RFX2: variants seen among roughly 807,000 people sequenced by gnomAD.
RFX2 encodes the protein regulatory factor X2.
Under a neutral mutation model 87.8 loss-of-function variants are expected in RFX2, and 20 were observed. The ratio of observed to expected loss-of-function variants is 0.23; its 90% CI spans 0.16 to 0.33. The LOEUF (loss-of-function observed/expected upper bound fraction) is 0.33. RFX2 is among the 10% of genes least tolerant of loss of function. RFX2 has a pLI of 1.00. For missense variants in RFX2, 767 were observed against 1,012.3 expected, an observed-to-expected ratio of 0.76 and a Z score of 3.29; for synonymous variants, 397 against 431.3, an observed-to-expected ratio of 0.92 and a Z score of 0.98.
chr19:6,099,752 T>C (rs2088089265), intron 1 of RFX2, among the ~76,000 whole-genome samples: 1 of 152,158 alleles, frequency 6.6e-6, no homozygotes, highest in East Asian at 1.9e-4. Context: ...GGCCTTGCAG[T>C]GCTAAATCTA....
At chr19:6,082,978 C>G in intron 1 of RFX2, among the ~76,000 whole-genome samples, 1 of 152,194 alleles carries the variant, frequency 6.6e-6, no homozygotes. Context: ...GGGTCTCATT[C>G]TGTTGCCCAG....
In RFX2 at chr19:6,047,582, G is replaced by C. The variant is rs2087212125; in HGVS notation, c.-8-78C>G. ...CCGAAGAGGCAACTAACAAGTTCAA[G>C]GGAGGGAAGGAGTAACCAGCTACAT... On this transcript the variant is annotated intron_variant, in intron 1 of 17. Transcript: ENST00000303657. The surrounding 1 kb of genome is among the most constrained non-coding windows in gnomAD (Gnocchi z 4.2). 8.6e-7 allele frequency: 1 copy of C among 1,158,280 alleles called. No homozygotes were observed. The highest frequency in any genetic ancestry group is 1.3e-6 in the Non-Finnish European group (1 of 795,368). The allele number at this position is 1,158,280 out of a possible 1,614,324, so 71.8% of individuals were successfully genotyped here.
rs571811826 is a variant in RFX2, at chr19:6,009,098, A to G, written c.1016-874T>C. Among the ~76,000 whole-genome samples the G allele has an allele frequency of 1.3e-4, 20 of 152,276 alleles. No individual in the cohort carries two copies. In the East Asian group the frequency reaches 3.3e-3, roughly 25 times the overall value. ...AAGCCCTGAGCCCAGGCCCTGGCAC[A>G]CAGCAAGTACCCACAGAGCCAGCTC... On this transcript the variant is annotated intron_variant, in intron 9 of 17. Coordinates refer to ENST00000303657, the MANE Select transcript of RFX2 (RefSeq NM_000635.4).
Position 6,012,991 on chromosome 19 carries a change from C to T in RFX2, c.894G>A (p.Lys298=). 1 of 1,553,766 alleles carries T rather than the reference C, an allele frequency of 6.4e-7. No homozygotes were observed. The highest frequency in any genetic ancestry group is 8.7e-7 in the Non-Finnish European group (1 of 1,149,736). ...CAGCTCGGCCCGGCACCCACCTGGG[C>T]TTCTGGTGCATGGGCTGCTGCCGCA... ...MAMRQQPMHQ[K]PRYRPAQKTD... The change falls in exon 8 of 18, where the codon AAG becomes AAA. Residue 298 remains lysine (K), a synonymous_variant. Coordinates refer to ENST00000303657, the MANE Select transcript of RFX2 (RefSeq NM_000635.4). The surrounding 1 kb of genome is among the most constrained non-coding windows in gnomAD (Gnocchi z 4.6).
intron 13 of RFX2, among the ~76,000 whole-genome samples, chr19:6,003,833 A>G (rs1298305371): frequency 2.0e-5 from 3 of 150,342 alleles, no homozygotes; most frequent in Non-Finnish European, 4.4e-5. Context: ...AACGGTGGGT[A>G]ATCACTCTCT....
chr19:6,110,249 G>C lies in RFX2; in HGVS notation c.-9+144C>G, dbSNP rs1361341409. The C allele has an allele frequency of 6.6e-6, 1 of 151,438 alleles. No homozygotes were observed. 9.4% of individuals were successfully genotyped at this position (151,438 alleles called of 1,614,324 possible). ...CCGCCGCGCGCGCGGACGGGGTGGC[G>C]GAGGCGGGTCCCGCGGGCGCACCAC... On this transcript the variant is annotated intron_variant, in intron 1 of 17. Coordinates refer to ENST00000303657, the MANE Select transcript of RFX2 (RefSeq NM_000635.4). This position sits in a 1 kb window ranked among gnomAD's most constrained non-coding sequence, Gnocchi z 4.3.
rs1444966164 is a variant in RFX2 at position 6,050,981 on chromosome 19, A to G, written c.-8-3477T>C. On this transcript the variant is annotated intron_variant, in intron 1 of 17. Transcript: ENST00000303657. The surrounding 1 kb of genome is among the most constrained non-coding windows in gnomAD (Gnocchi z 4.6). ...CAATAACAATGGCAACCAGAAGACA[A>G]TGGAGTGACATTTTTAATATGCTGG... Among the ~76,000 whole-genome samples, 7 of 152,218 alleles carry G rather than the reference A, an allele frequency of 4.6e-5. No homozygotes were observed. Among genetic ancestry groups the G allele is most frequent in the Admixed American group, 4.6e-4 (7 of 15,288 alleles).
At chr19:6,091,487 A>C (rs1190262628) in intron 1 of RFX2, among the ~76,000 whole-genome samples, 1 of 151,926 alleles carries the variant, frequency 6.6e-6, no homozygotes, top group East Asian at 1.9e-4. Flanking sequence ...GAATTTTATC[A>C]CAATTGAAAA....
Position 6,079,479 on chromosome 19 carries a change from G to A in RFX2, c.-9+30914C>T, listed in dbSNP as rs189214620. Among the ~76,000 whole-genome samples, 4 of 152,338 alleles carry A rather than the reference G, an allele frequency of 2.6e-5. No homozygotes were observed. In the East Asian group the frequency reaches 7.7e-4, roughly 29 times the overall value. On this transcript the variant is annotated intron_variant, in intron 1 of 17. Transcript: ENST00000303657. ...TTTATACGACATTCTGGAAAAGGCAGAGCTATAGAAAGGGACAGCAGATGG... is the reference window on the plus strand; with the variant it reads ...TTTATACGACATTCTGGAAAAGGCAAAGCTATAGAAAGGGACAGCAGATGG...
intron 3 of RFX2, among the ~76,000 whole-genome samples, 156 bp from the exon 4 acceptor site, chr19:6,042,279 G>A (rs1014952500): frequency 2.0e-5 from 3 of 152,244 alleles, no homozygotes; most frequent in African/African-American, 7.2e-5. Flanking sequence ...AAGACACTGA[G>A]GAGACAGTAA....
chr19:6,106,148 T>G (rs1481916287), intron 1 of RFX2, among the ~76,000 whole-genome samples: 1 of 152,196 alleles, frequency 6.6e-6, no homozygotes, highest in East Asian at 1.9e-4. Flanking sequence ...GAGAATCCTT[T>G]TGCTGATCTT....
intron 1 of RFX2, among the ~76,000 whole-genome samples, chr19:6,094,648 G>T (rs1322101220): frequency 6.6e-6 from 1 of 152,126 alleles, no homozygotes; most frequent in Non-Finnish European, 1.5e-5. Flanking sequence ...ACACGTGGCT[G>T]CTGAGCACCT....
At position 5,997,099 on chromosome 19, in the gene RFX2, C is replaced by T. The variant is rs149610449; in HGVS notation, c.1974G>A (p.Ala658=). The change falls in exon 16 of 18, where the codon GCG becomes GCA. Residue 658 remains alanine (A), a synonymous_variant. Transcript: ENST00000303657. The surrounding 1 kb of genome is among the most constrained non-coding windows in gnomAD (Gnocchi z 4.2). ...YMFYLVEHRV[A]EATGETPIAV... ...CGATCGGCGTCTCTCCGGTGGCCTC[C>T]GCGACGCGGTGCTCCACCAGGTAGA... The T allele has an allele frequency of 4.3e-5, 70 of 1,613,104 alleles. No individual in the cohort carries two copies. The highest frequency in any genetic ancestry group is 3.7e-4 in the African/African-American group (28 of 74,946).
chr19:6,107,821 C>T (rs1175211534), intron 1 of RFX2, among the ~76,000 whole-genome samples: 1 of 152,056 alleles, frequency 6.6e-6, no homozygotes, highest in African/African-American at 2.4e-5. Context: ...CTTAGCAGTA[C>T]TTCAATGATA....
chr19:6,094,899 C>T (rs182727077), intron 1 of RFX2, among the ~76,000 whole-genome samples: 12 of 151,962 alleles, frequency 7.9e-5, no homozygotes, highest in Non-Finnish European at 1.3e-4. Flanking sequence ...GAGGCTGAGG[C>T]GGGTGGATCA....
chr19:6,085,316 T>C (rs1404635003), intron 1 of RFX2, among the ~76,000 whole-genome samples: 1 of 152,272 alleles, frequency 6.6e-6, no homozygotes, highest in African/African-American at 2.4e-5. Flanking sequence ...ACAGTCATCG[T>C]AATGGGTGTG....
At position 6,090,000 on chromosome 19, in the gene RFX2, C is replaced by A. The variant is rs565108115; in HGVS notation, c.-9+20393G>T. 3.3e-5 allele frequency among the ~76,000 whole-genome samples: 5 copies of A among 152,226 alleles called. No homozygotes were observed. The East Asian group carries it at 7.7e-4, about 23-fold the overall frequency. On this transcript the variant is annotated intron_variant, in intron 1 of 17. Transcript: ENST00000303657. Reference sequence around the variant, plus strand: ...TTTTGAGACAGGTTCTCGCTTTTGTCACTCAGGCTGGAGTACAGTGGCATG... The same window carrying A: ...TTTTGAGACAGGTTCTCGCTTTTGTAACTCAGGCTGGAGTACAGTGGCATG...
intron 5 of RFX2, among the ~76,000 whole-genome samples, chr19:6,029,675 T>A (rs925438329): frequency 6.6e-6 from 1 of 152,068 alleles, no homozygotes; most frequent in Non-Finnish European, 1.5e-5. Flanking sequence ...GCCACTGCAC[T>A]CCAACCTGGG....
intron 5 of RFX2, among the ~76,000 whole-genome samples, chr19:6,034,529 T>C (rs899130981): frequency 2.6e-5 from 4 of 151,934 alleles, no homozygotes; most frequent in Admixed American, 6.6e-5. Context: ...ACCAGCCCAA[T>C]TTTTAAGTTT....
Sources: gnomAD v4.1 joint callset for allele counts (sites outside exome capture counted in the v4.1 genomes callset) on GRCh38, gnomAD v4.1.1 for gene constraint, Gnocchi (gnomAD v3.1) non-coding constraint, MANE v1.5 for transcripts, NCBI Gene and HGNC (gene_info 2026-07-23, HGNC 2026-07-21) for gene names.